THSD7B: variants seen among roughly 807,000 people sequenced by gnomAD.
THSD7B encodes thrombospondin type 1 domain containing 7B.
In THSD7B, 138 loss-of-function variants were observed where a neutral mutation model predicts 213.6. The observed-to-expected ratio is 0.65, with a 90% confidence interval of 0.56 to 0.74. The LOEUF (loss-of-function observed/expected upper bound fraction) is 0.74. Ranked by LOEUF, THSD7B falls within the 30% of genes least tolerant of loss-of-function variation. The probability of loss-of-function intolerance (pLI) is 0.00; values close to 1 mark genes in which losing one functional copy is unlikely to be tolerated. For missense variants in THSD7B, 1,931 were observed against 1,991.5 expected, an observed-to-expected ratio of 0.97 and a Z score of 0.58; for synonymous variants, 742 against 687.0, an observed-to-expected ratio of 1.08 and a Z score of -1.25.
chr2:137,654,853 C>A (rs182102609), intron 21 of THSD7B, among the ~76,000 whole-genome samples: 13 of 152,218 alleles, frequency 8.5e-5, no homozygotes, highest in African/African-American at 2.9e-4. Flanking sequence ...GTAGGAAACC[C>A]TTTATCAGGC....
chr2:136,960,139 A>AT (rs781372779), intron 2 of THSD7B, among the ~76,000 whole-genome samples: 1 of 151,614 alleles, frequency 6.6e-6, no homozygotes. Flanking sequence ...TTTTATTATG[A>AT]TTTTTTGAGA....
chr2:137,214,150 GC>G (rs1174376232), intron 7 of THSD7B, among the ~76,000 whole-genome samples: 1 of 151,968 alleles, frequency 6.6e-6, no homozygotes, highest in Non-Finnish European at 1.5e-5. Flanking sequence ...TGTGTTAATG[GC>G]AGTGTATATG....
chr2:137,376,001 A>G (rs1015070470), intron 12 of THSD7B, among the ~76,000 whole-genome samples: 1 of 152,248 alleles, frequency 6.6e-6, no homozygotes, highest in Non-Finnish European at 1.5e-5. Context: ...CCAGATCCAC[A>G]AGAAAATGTA....
At chr2:136,954,368 T>G (rs1685088063) in intron 2 of THSD7B, among the ~76,000 whole-genome samples, 1 of 152,178 alleles carries the variant, frequency 6.6e-6, no homozygotes, top group South Asian at 2.1e-4. Flanking sequence ...GCTCATCTCA[T>G]AGTGATTTTC....
intron 10 of THSD7B, among the ~76,000 whole-genome samples, chr2:137,252,266 C>CAAAAAA (rs1182130976): frequency 1.0e-4 from 6 of 59,678 alleles, no homozygotes; most frequent in African/African-American, 1.4e-4. Context: ...GACTCTGTCT[C>CAAAAAA]AAAAAAAAAA....
intron 10 of THSD7B, among the ~76,000 whole-genome samples, chr2:137,253,552 G>A (rs1682235319): frequency 2.0e-5 from 3 of 151,994 alleles, no homozygotes; most frequent in Non-Finnish European, 4.4e-5. Flanking sequence ...TTTGCTTCTG[G>A]CTGGTTTCAT....
intron 3 of THSD7B, among the ~76,000 whole-genome samples, chr2:137,062,451 T>C (rs1687295767): frequency 6.6e-6 from 1 of 151,778 alleles, no homozygotes; most frequent in South Asian, 2.1e-4. Context: ...CTCTCTTCTT[T>C]ACTATTAGAT....
chr2:137,450,966 A>G lies in THSD7B; in HGVS notation c.3081A>G (p.Leu1027=), dbSNP rs1452800422. The G allele has an allele frequency of 1.2e-5, 19 of 1,612,396 alleles. No homozygotes were observed. The East Asian group carries it at 4.0e-4, about 34-fold the overall frequency. Residue 1027 remains leucine, a synonymous_variant, in exon 15 of 28, where the codon CTA becomes CTG. Transcript: ENST00000409968. Reference sequence around the variant, plus strand: ...GAGTGAGAATTCGATCCAAATGGCTAAAAGAAAAACCTTACAATGGAGGAC... The same window carrying G: ...GAGTGAGAATTCGATCCAAATGGCTGAAAGAAAAACCTTACAATGGAGGAC... ...GIGVRIRSKW[L]KEKPYNGGRP... is the part of the protein sequence containing the mutation.
In THSD7B at chr2:136,881,821, A is replaced by G. The variant is rs899084375; in HGVS notation, c.-35-323A>G. Among the ~76,000 whole-genome samples, 3 of 152,278 alleles carry G rather than the reference A, an allele frequency of 2.0e-5. No individual in the cohort carries two copies. The East Asian group carries it at 5.8e-4, about 29-fold the overall frequency. On this transcript the variant is annotated intron_variant, in intron 1 of 27. Transcript: ENST00000409968. ...ACTACTTTGGATCCTGTGAGAATCC[A>G]TGATAATATTATCACGTTACATTGA...
At chr2:136,845,997 G>GGGTAGT (rs1246626222) in intron 1 of THSD7B, among the ~76,000 whole-genome samples, 1 of 152,120 alleles carries the variant, frequency 6.6e-6, no homozygotes, top group Non-Finnish European at 1.5e-5. Context: ...TGAGCACAGG[G>GGGTAGT]GGTAGTCGGT....
At chr2:137,077,848 T>C (rs1423922176) in intron 3 of THSD7B, among the ~76,000 whole-genome samples, 5 of 152,150 alleles carry the variant, frequency 3.3e-5, no homozygotes, top group South Asian at 2.1e-4. Context: ...CATTTGTCAA[T>C]GTTGGCTTTT....
At chr2:137,536,603 A>G (rs950401983) in intron 15 of THSD7B, among the ~76,000 whole-genome samples, 1 of 151,728 alleles carries the variant, frequency 6.6e-6, no homozygotes, top group Non-Finnish European at 1.5e-5. Flanking sequence ...AAGCAAGAAG[A>G]ATAAAGGACT....
intron 17 of THSD7B, among the ~76,000 whole-genome samples, chr2:137,600,520 T>A (rs1179103713): frequency 6.6e-6 from 1 of 152,204 alleles, no homozygotes; most frequent in African/African-American, 2.4e-5. Context: ...GGCAGATCAC[T>A]TGAAGCCAGG....
At chr2:137,501,450 A>G (rs1679703261) in intron 15 of THSD7B, among the ~76,000 whole-genome samples, 1 of 152,012 alleles carries the variant, frequency 6.6e-6, no homozygotes, top group Non-Finnish European at 1.5e-5. Flanking sequence ...AATTTGGTAA[A>G]GGTATTTTAT....
At chr2:137,183,093 A>C (rs1175005248) in intron 7 of THSD7B, among the ~76,000 whole-genome samples, 1 of 152,182 alleles carries the variant, frequency 6.6e-6, no homozygotes, top group Non-Finnish European at 1.5e-5. Context: ...GATTTCAGGC[A>C]ATTGATTATC....
At chr2:136,824,409 T>C (rs1682610132) in intron 1 of THSD7B, among the ~76,000 whole-genome samples, 2 of 152,110 alleles carry the variant, frequency 1.3e-5, no homozygotes, top group African/African-American at 4.8e-5. Flanking sequence ...GTCTTTTTTT[T>C]CTAATATGTT....
intron 1 of THSD7B, among the ~76,000 whole-genome samples, chr2:136,783,601 C>T (rs1269306943): frequency 1.3e-5 from 2 of 152,058 alleles, no homozygotes; most frequent in African/African-American, 4.8e-5. Flanking sequence ...AAATGCTGTC[C>T]TAAGGGAGGT....
chr2:137,534,040 A>G (rs1680455046), intron 15 of THSD7B, among the ~76,000 whole-genome samples: 1 of 151,148 alleles, frequency 6.6e-6, no homozygotes, highest in Non-Finnish European at 1.5e-5. Flanking sequence ...ACACACACAC[A>G]CACAGACTTC....
At chr2:136,968,275 C>T (rs1685352164) in intron 2 of THSD7B, among the ~76,000 whole-genome samples, 1 of 152,078 alleles carries the variant, frequency 6.6e-6, no homozygotes, top group African/African-American at 2.4e-5. Context: ...ATGCTATCTT[C>T]AGGCTTTTTA....
Sources: gnomAD v4.1 joint callset for allele counts (sites outside exome capture counted in the v4.1 genomes callset) on GRCh38, gnomAD v4.1.1 for gene constraint, MANE v1.5 for transcripts, NCBI Gene and HGNC (gene_info 2026-07-23, HGNC 2026-07-21) for gene names.